Variants in NLGN4X observed in about 807,000 individuals in gnomAD.
NLGN4X encodes the protein neuroligin-4, X-linked.
In NLGN4X, 3 loss-of-function variants were observed where a neutral mutation model predicts 40.3. That is an observed-to-expected ratio of 0.07 (90% CI 0.03 to 0.19). The LOEUF is 0.19. Among genes scored for constraint, NLGN4X ranks in the 10% least tolerant of loss-of-function variants. The pLI, the probability that NLGN4X is intolerant of heterozygous loss-of-function variation, is 1.00. For missense variants in NLGN4X, 382 were observed against 708.3 expected, an observed-to-expected ratio of 0.54 and a Z score of 5.23; for synonymous variants, 270 against 306.8, an observed-to-expected ratio of 0.88 and a Z score of 1.25.
intron 3 of NLGN4X, among the ~76,000 whole-genome samples, chrX:6,026,711 C>T (rs2036704229): frequency 9.0e-6 from 1 of 111,375 alleles, no homozygotes; most frequent in Non-Finnish European, 1.9e-5. Flanking sequence ...GTAAATAGAC[C>T]GGCATAGAGA....
In NLGN4X at chrX:6,164,350, AG is replaced by A. The variant is rs1431810416; in HGVS notation, c.-305-12580del. ...GACAGAGATAATATTGATCATGTAA[AG>A]GAAATATTTAAGCCAGAGTGGAAGC... On this transcript the variant is annotated intron_variant, in intron 1 of 5. Transcript: ENST00000381095. Among the ~76,000 whole-genome samples the A allele has an allele frequency of 3.6e-5, 4 of 112,528 alleles. No homozygotes were observed. In the East Asian group the frequency reaches 1.1e-3, roughly 31 times the overall value.
chrX:6,160,768 G>A (rs1463511722), intron 1 of NLGN4X, among the ~76,000 whole-genome samples: 8 of 108,893 alleles, frequency 7.3e-5, no homozygotes, highest in Middle Eastern at 4.8e-3. Flanking sequence ...TTATCCGCCC[G>A]CCTTGGCCTC....
chrX:6,130,147 C>T (rs907278381), intron 2 of NLGN4X, among the ~76,000 whole-genome samples: 3 of 111,926 alleles, frequency 2.7e-5, no homozygotes, highest in African/African-American at 9.7e-5. Context: ...CTCAGCCTCT[C>T]AAAACACTGG....
chrX:5,982,071 C>A (rs2035404631), intron 3 of NLGN4X, among the ~76,000 whole-genome samples: 1 of 111,981 alleles, frequency 8.9e-6, no homozygotes, highest in African/African-American at 3.2e-5. Flanking sequence ...GGCTTTTAAT[C>A]ATGCATTTTC....
chrX:6,135,011 A>G (rs1355083394), intron 2 of NLGN4X, among the ~76,000 whole-genome samples: 1 of 112,672 alleles, frequency 8.9e-6, no homozygotes, highest in African/African-American at 3.2e-5. Flanking sequence ...CAGCTCCCCA[A>G]ATTGGCTTAT....
At chrX:6,179,920 G>A (rs913136532) in intron 1 of NLGN4X, among the ~76,000 whole-genome samples, 5 of 111,677 alleles carry the variant, frequency 4.5e-5, no homozygotes, top group African/African-American at 1.3e-4. Context: ...TTACTCCTTC[G>A]TATCTTCTAA....
Position 6,044,460 on chromosome X carries a change from C to T in NLGN4X, c.473-15028G>A, listed in dbSNP as rs749456291. Among the ~76,000 whole-genome samples, 5 of 111,935 alleles carry T rather than the reference C, an allele frequency of 4.5e-5. No individual in the cohort carries two copies. The East Asian group carries it at 1.4e-3, about 31-fold the overall frequency. ...AGTAACAAGCAAGTCCACCCACAACCGACATGAACTTCAGAAAAAGGAAAT... is the reference window on the plus strand; with the variant it reads ...AGTAACAAGCAAGTCCACCCACAACTGACATGAACTTCAGAAAAAGGAAAT... On this transcript the variant is annotated intron_variant, in intron 2 of 5. Transcript: ENST00000381095.
intron 2 of NLGN4X, among the ~76,000 whole-genome samples, chrX:6,100,560 C>T (rs980123206): frequency 5.4e-5 from 6 of 111,697 alleles, no homozygotes; most frequent in African/African-American, 1.6e-4. Flanking sequence ...GTGGGAGCTC[C>T]GTGGAGGGAA....
At chrX:6,046,485 T>C (rs2037320995) in intron 2 of NLGN4X, among the ~76,000 whole-genome samples, 1 of 111,545 alleles carries the variant, frequency 9.0e-6, no homozygotes, top group Non-Finnish European at 1.9e-5. Flanking sequence ...AAGAGGGAGT[T>C]ATAACAATCT....
rs767125063 is a variant in NLGN4X at position 6,085,790 on chromosome X, C to T, written c.473-56358G>A. On this transcript the variant is annotated intron_variant, in intron 2 of 5. Transcript: ENST00000381095. Reference sequence around the variant, plus strand: ...TGGTGTGGTGGACTCCATGCCCACACGGCACCTGGCATGGAGCACAGCCTG... The same window carrying T: ...TGGTGTGGTGGACTCCATGCCCACATGGCACCTGGCATGGAGCACAGCCTG... 7.4e-4 allele frequency among the ~76,000 whole-genome samples: 83 copies of T among 112,296 alleles called. 1 individual carries two copies. Among genetic ancestry groups the T allele is most frequent in the Non-Finnish European group, 1.1e-3 (61 of 53,266 alleles).
At chrX:6,017,095 G>A (rs771475307) in intron 3 of NLGN4X, among the ~76,000 whole-genome samples, 9 of 111,485 alleles carry the variant, frequency 8.1e-5, no homozygotes, top group Admixed American at 3.8e-4. Context: ...AAACGTGCAC[G>A]CTGGATGTAA....
chrX:6,046,326 T>C (rs778793511), intron 2 of NLGN4X, among the ~76,000 whole-genome samples: 8 of 111,412 alleles, frequency 7.2e-5, no homozygotes, highest in Non-Finnish European at 1.3e-4. Context: ...GAATGTTAAG[T>C]TGAATAAAAC....
chrX:6,064,931 C>T (rs5915632), intron 2 of NLGN4X, among the ~76,000 whole-genome samples: 45,019 of 109,699 alleles, frequency 0.41, 6,963 homozygotes, highest in Admixed American at 0.48. Context: ...TACTATATAG[C>T]CATAAAAAGA....
chrX:5,935,411 ACAAAT>A (rs1233290039), intron 3 of NLGN4X, among the ~76,000 whole-genome samples: 2 of 112,486 alleles, frequency 1.8e-5, no homozygotes, highest in Non-Finnish European at 3.8e-5. Flanking sequence ...TAAAGAGAGA[ACAAAT>A]CAAAGACAGC....
intron 1 of NLGN4X, chrX:6,227,155 G>A (rs1247267533): frequency 1.8e-5 from 2 of 112,289 alleles, no homozygotes; most frequent in African/African-American, 3.3e-5. Flanking sequence ...GGGAAGAGAC[G>A]AGATGAAATC....
chrX:6,081,285 C>G (rs1410355375), intron 2 of NLGN4X, among the ~76,000 whole-genome samples: 8 of 111,349 alleles, frequency 7.2e-5, no homozygotes, highest in South Asian at 3.8e-4. Context: ...GAGACCCTTT[C>G]TCAAAAAAAA....
chrX:6,030,732 T>G (rs1366477458), intron 2 of NLGN4X, among the ~76,000 whole-genome samples: 1 of 111,648 alleles, frequency 9.0e-6, no homozygotes, highest in Non-Finnish European at 1.9e-5. Flanking sequence ...GGCAGAAAAG[T>G]GTCTTTTGTT....
chrX:6,056,335 G>C, intron 2 of NLGN4X, among the ~76,000 whole-genome samples: 1 of 111,031 alleles, frequency 9.0e-6, no homozygotes, highest in Non-Finnish European at 1.9e-5. Context: ...ACTTAGCCGG[G>C]TGTGGTGGTG....
chrX:6,206,868 A>C (rs1924078650), intron 1 of NLGN4X, among the ~76,000 whole-genome samples: 1 of 112,036 alleles, frequency 8.9e-6, no homozygotes, highest in African/African-American at 3.2e-5. Flanking sequence ...ATTTCAATAT[A>C]TCTTTTTGGG....
Sources: allele counts gnomAD v4.1 joint callset (sites outside exome capture counted in the v4.1 genomes callset), GRCh38; gene constraint gnomAD v4.1.1; transcripts MANE v1.5; gene names NCBI Gene and HGNC (gene_info 2026-07-23, HGNC 2026-07-21).